MEOX2: variants seen among roughly 807,000 people sequenced by gnomAD.
MEOX2 encodes the protein homeobox protein MOX-2.
In MEOX2, 11 loss-of-function variants were observed where a neutral mutation model predicts 27.0. That is an observed-to-expected ratio of 0.41 (90% CI 0.26 to 0.68). The LOEUF (loss-of-function observed/expected upper bound fraction) is 0.68. Among genes scored for constraint, MEOX2 ranks in the 30% least tolerant of loss-of-function variants. The pLI, the probability that MEOX2 is intolerant of heterozygous loss-of-function variation, is 0.33. For synonymous variants in MEOX2, 189 were observed against 155.4 expected, an observed-to-expected ratio of 1.22 and a Z score of -1.61; for missense variants, 436 against 385.4, an observed-to-expected ratio of 1.13 and a Z score of -1.10.
At chr7:15,653,133 G>T (rs528843707) in intron 1 of MEOX2, among the ~76,000 whole-genome samples, 2 of 123,134 alleles carry the variant, frequency 1.6e-5, no homozygotes, top group Non-Finnish European at 3.7e-5. Flanking sequence ...CCACATGCTT[G>T]CCATCATGTG....
chr7:15,646,074 A>G (rs747611467), intron 1 of MEOX2, among the ~76,000 whole-genome samples: 2 of 152,016 alleles, frequency 1.3e-5, no homozygotes, highest in Non-Finnish European at 2.9e-5. Context: ...AAAACCCTAT[A>G]TTTTGTGGTG....
At chr7:15,614,825 G>A (rs1781097631) in intron 2 of MEOX2, among the ~76,000 whole-genome samples, 1 of 151,958 alleles carries the variant, frequency 6.6e-6, no homozygotes, top group South Asian at 2.1e-4. Flanking sequence ...TAGTGCTATG[G>A]AGACAGTGAA....
intron 1 of MEOX2, among the ~76,000 whole-genome samples, chr7:15,661,064 A>G (rs13223830): frequency 6.7e-6 from 1 of 149,956 alleles, no homozygotes; most frequent in South Asian, 2.1e-4. Context: ...GAAAGGAAGC[A>G]TTAGGATACA....
chr7:15,623,768 C>T (rs1781254272), intron 2 of MEOX2, among the ~76,000 whole-genome samples: 1 of 152,218 alleles, frequency 6.6e-6, no homozygotes, highest in Admixed American at 6.5e-5. Flanking sequence ...AATGGTGCAA[C>T]CAGAAACATT....
intron 1 of MEOX2, among the ~76,000 whole-genome samples, chr7:15,641,208 T>C (rs907322693): frequency 1.3e-5 from 2 of 152,172 alleles, no homozygotes; most frequent in Non-Finnish European, 2.9e-5. Flanking sequence ...ACTCATTATT[T>C]GTCTGTTCAG....
At position 15,665,376 on chromosome 7, in the gene MEOX2, T is replaced by A. The variant is rs139594418; in HGVS notation, c.517+20510A>T. 3.8e-3 allele frequency among the ~76,000 whole-genome samples: 581 copies of A among 152,294 alleles called. 4 individuals are homozygous for A. The highest frequency in any genetic ancestry group is 0.013 in the African/African-American group (558 of 41,570). ...TATTCAAAGCAAAAAGAGATTAATTTCAGGAATTCAAGTAAGATGTCTGTT... is the reference window on the plus strand; with the variant it reads ...TATTCAAAGCAAAAAGAGATTAATTACAGGAATTCAAGTAAGATGTCTGTT... On this transcript the variant is annotated intron_variant, in intron 1 of 2. Transcript: ENST00000262041.
intron 2 of MEOX2, among the ~76,000 whole-genome samples, chr7:15,624,424 G>C (rs1212369118): frequency 2.6e-5 from 4 of 152,098 alleles, no homozygotes; most frequent in Admixed American, 6.6e-5. Context: ...CCAATGAAGC[G>C]ATCTTGTCCT....
intron 1 of MEOX2, among the ~76,000 whole-genome samples, chr7:15,669,760 A>G (rs1456526680): frequency 6.6e-6 from 1 of 152,204 alleles, no homozygotes; most frequent in Non-Finnish European, 1.5e-5. Context: ...AAAAAGTTAA[A>G]AACTCCTCTA....
Position 15,619,510 on chromosome 7 carries a change from G to C in MEOX2, c.691-6899C>G, listed in dbSNP as rs117978814. Among the ~76,000 whole-genome samples the C allele has an allele frequency of 6.4e-4, 98 of 152,018 alleles. 2 individuals are homozygous for C. The South Asian group carries it at 8.1e-3, about 13-fold the overall frequency. The stretch of plus-strand genomic sequence containing the variant: ...TTATCTTTATCCTTTTATTATACCA[G>C]CTTGATGAACGTTTACAGCAAGAAT... On this transcript the variant is annotated intron_variant, in intron 2 of 2. Transcript: ENST00000262041.
intron 1 of MEOX2, among the ~76,000 whole-genome samples, chr7:15,651,753 C>T (rs1215021347): frequency 6.6e-6 from 1 of 151,520 alleles, no homozygotes; most frequent in Non-Finnish European, 1.5e-5. Context: ...AAAGACTCTA[C>T]TGAAAAAAAG....
intron 1 of MEOX2, among the ~76,000 whole-genome samples, chr7:15,656,406 T>C (rs1287352115): frequency 6.6e-6 from 1 of 151,790 alleles, no homozygotes; most frequent in Non-Finnish European, 1.5e-5. Flanking sequence ...CTTTTTGTTT[T>C]TTCATTGTTT....
At chr7:15,677,345 G>C (rs2115395143) in intron 1 of MEOX2, 1 of 152,318 alleles carries the variant, frequency 6.6e-6, no homozygotes, top group Non-Finnish European at 1.5e-5. Flanking sequence ...CGATGGTAGA[G>C]AAAAGTTAAA....
At chr7:15,618,344 T>C (rs2115354656) in intron 2 of MEOX2, among the ~76,000 whole-genome samples, 1 of 152,066 alleles carries the variant, frequency 6.6e-6, no homozygotes, top group African/African-American at 2.4e-5. Flanking sequence ...AAAACTAAAT[T>C]AGGCACTTTT....
At chr7:15,675,338 T>C (rs113930983) in intron 1 of MEOX2, among the ~76,000 whole-genome samples, 3 of 152,314 alleles carry the variant, frequency 2.0e-5, no homozygotes, top group African/African-American at 7.2e-5. Flanking sequence ...GAAAAATGTC[T>C]GAGGTAATCA....
chr7:15,619,041 G>A (rs5015942), intron 2 of MEOX2, among the ~76,000 whole-genome samples: 101,962 of 151,552 alleles, frequency 0.67, 34,518 homozygotes, highest in East Asian at 0.81. Context: ...GTACAAAGTC[G>A]TTTATAGTCA....
chr7:15,682,614 C>A (rs973365168), intron 1 of MEOX2, among the ~76,000 whole-genome samples: 1 of 151,526 alleles, frequency 6.6e-6, no homozygotes, highest in African/African-American at 2.4e-5. Flanking sequence ...TAGATATGTA[C>A]ACTGTATAAC....
At chr7:15,637,742 G>T (rs906442709) in intron 1 of MEOX2, among the ~76,000 whole-genome samples, 1 of 151,170 alleles carries the variant, frequency 6.6e-6, no homozygotes, top group Non-Finnish European at 1.5e-5. Flanking sequence ...GAACATATCG[G>T]GGCTTTGAAG....
chr7:15,628,420 T>A (rs1035462432), intron 1 of MEOX2, among the ~76,000 whole-genome samples: 25 of 152,124 alleles, frequency 1.6e-4, no homozygotes, highest in Non-Finnish European at 3.1e-4. Context: ...CACTGACCAT[T>A]ACTTATCCTC....
intron 1 of MEOX2, among the ~76,000 whole-genome samples, chr7:15,663,050 A>G (rs984588122): frequency 1.3e-5 from 2 of 152,194 alleles, no homozygotes; most frequent in African/African-American, 2.4e-5. Flanking sequence ...TCATTCTCAC[A>G]TCTATAAATA....
Sources: allele counts gnomAD v4.1 joint callset (sites outside exome capture counted in the v4.1 genomes callset), GRCh38; gene constraint gnomAD v4.1.1; transcripts MANE v1.5; gene names NCBI Gene and HGNC (gene_info 2026-07-23, HGNC 2026-07-21).